Variants in RILPL2 observed in about 807,000 individuals in gnomAD.
RILPL2 encodes the protein RILP-like protein 2.
RILPL2 carries 19 observed loss-of-function variants against 22.2 expected under a neutral mutation model. The observed-to-expected ratio is 0.86, with a 90% CI of 0.60 to 1.25. The LOEUF is 1.25. Among genes scored for constraint, RILPL2 ranks in the 50% most tolerant of loss-of-function variants. The pLI is 0.00. For missense variants in RILPL2, 243 were observed against 263.6 expected, an observed-to-expected ratio of 0.92 and a Z score of 0.54; for synonymous variants, 123 against 111.6, an observed-to-expected ratio of 1.10 and a Z score of -0.64.
intron 2 of RILPL2, among the ~76,000 whole-genome samples, chr12:123,430,306 G>A: frequency 6.6e-6 from 1 of 151,904 alleles, no homozygotes. Flanking sequence ...CTACTCGGGA[G>A]GCTGAGGCAG....
chr12:123,430,269 C>G (rs576327229), intron 2 of RILPL2, among the ~76,000 whole-genome samples: 4 of 149,964 alleles, frequency 2.7e-5, no homozygotes, highest in Non-Finnish European at 5.9e-5. Context: ...ATTAGCCAGG[C>G]ACGGTGGCGG....
At chr12:123,423,911 C>A (rs1037396384) in intron 2 of RILPL2, among the ~76,000 whole-genome samples, 9 of 152,056 alleles carry the variant, frequency 5.9e-5, no homozygotes, top group African/African-American at 2.2e-4. Context: ...CCTCAGCCTC[C>A]CAAAGTGCTG....
downstream of RILPL2, chr12:123,413,096 T>G (rs541236376): frequency 6.5e-6 from 1 of 153,186 alleles, no homozygotes; most frequent in African/African-American, 2.4e-5. Context: ...GTCGGGAGGC[T>G]GAGGCAGGAG....
At chr12:123,432,385 G>A (rs1224926720) in intron 1 of RILPL2, among the ~76,000 whole-genome samples, 2 of 152,106 alleles carry the variant, frequency 1.3e-5, no homozygotes, top group East Asian at 3.8e-4. Context: ...CATGCTTATA[G>A]TCTCAGCTAC....
downstream of RILPL2, chr12:123,414,766 T>G (rs1212791218): frequency 2.0e-5 from 3 of 152,106 alleles, no homozygotes; most frequent in Non-Finnish European, 2.9e-5. Context: ...CTGTCTCTAC[T>G]AAAAATACAA....
chr12:123,434,961 G>A (rs1879752679), intron 1 of RILPL2, among the ~76,000 whole-genome samples: 1 of 151,516 alleles, frequency 6.6e-6, no homozygotes, highest in Admixed American at 6.6e-5. Flanking sequence ...GGTCACTTGA[G>A]GCCAGGAGTT....
chr12:123,436,403 C>T lies in RILPL2; in HGVS notation c.18G>A (p.Val6=). 1 of 1,549,380 alleles carries T rather than the reference C, an allele frequency of 6.5e-7. No individual in the cohort carries two copies. Among genetic ancestry groups the T allele is most frequent in the Non-Finnish European group, 8.7e-7 (1 of 1,147,064 alleles). Residue 6 remains valine, a synonymous_variant, in exon 1 of 4, where the codon GTG becomes GTA. Transcript: ENST00000280571. This position sits in a 1 kb window ranked among gnomAD's most constrained non-coding sequence, Gnocchi z 6.7. ...CTCCCTCCTCCTCTTCCTCTTCTCG[C>T]ACAGGGGGCTCCTCCATGGCCACCC... MEEPP[V]REEEEEEGEE... is the part of the protein sequence containing the mutation.
chr12:123,414,958 A>C (rs2137558), downstream of RILPL2: 43,487 of 143,924 alleles, frequency 0.3, 8,172 homozygotes, highest in East Asian at 0.69. Context: ...AAAAATCTAT[A>C]AACTGGTGCA....
At chr12:123,420,598 G>A (rs1008360925) in intron 3 of RILPL2, among the ~76,000 whole-genome samples, 20 of 151,572 alleles carry the variant, frequency 1.3e-4, no homozygotes, top group African/African-American at 3.9e-4. Flanking sequence ...CACCATGCCC[G>A]GCTAATTTTT....
chr12:123,417,069 C>T (rs570607993), intron 3 of RILPL2, among the ~76,000 whole-genome samples: 150 of 152,126 alleles, frequency 9.9e-4, no homozygotes, highest in African/African-American at 3.4e-3. Flanking sequence ...GAGGCTGAGG[C>T]GGGCGGATTG....
chr12:123,415,579 G>C lies in RILPL2; in HGVS notation c.*312C>G, dbSNP rs948037604. ...CCGTGGGAGCAGATGAGTAGGACAC[G>C]CGTCTGCACGCTGGAGGCCCTGGGG... On this transcript the variant is annotated 3_prime_UTR_variant, in exon 4 of 4. Coordinates refer to ENST00000280571, the MANE Select transcript of RILPL2 (RefSeq NM_145058.3). 2.1e-5 allele frequency: 9 copies of C among 430,774 alleles called. No homozygotes were observed. The highest frequency in any genetic ancestry group is 3.4e-5 in the Non-Finnish European group (8 of 236,588). The allele number at this position is 430,774 out of a possible 1,614,324, so 26.7% of individuals were successfully genotyped here.
chr12:123,425,263 G>A (rs978809248), intron 2 of RILPL2, among the ~76,000 whole-genome samples: 2 of 151,582 alleles, frequency 1.3e-5, no homozygotes, highest in East Asian at 1.9e-4. Flanking sequence ...TGCAACCTCC[G>A]TTTCCCAGGT....
chr12:123,421,760 C>T (rs28676499), intron 3 of RILPL2, among the ~76,000 whole-genome samples: 26,337 of 150,600 alleles, frequency 0.17, 2,458 homozygotes, highest in Middle Eastern at 0.28. Context: ...CTCCACCTCC[C>T]GGGCTCAAGC....
chr12:123,420,407 G>A (rs545139649), intron 3 of RILPL2, among the ~76,000 whole-genome samples: 30 of 151,556 alleles, frequency 2.0e-4, no homozygotes, highest in African/African-American at 7.0e-4. Context: ...CCAAAGTCTT[G>A]GGATTACAGG....
intron 1 of RILPL2, among the ~76,000 whole-genome samples, chr12:123,434,347 G>T (rs914031217): frequency 6.6e-6 from 1 of 151,978 alleles, no homozygotes; most frequent in Admixed American, 6.6e-5. Flanking sequence ...GAGCCCAGGA[G>T]TTTGAGGCCT....
At chr12:123,428,837 GCAGA>G (rs761161393) in intron 2 of RILPL2, among the ~76,000 whole-genome samples, 70 of 152,162 alleles carry the variant, frequency 4.6e-4, no homozygotes, top group Non-Finnish European at 8.2e-4. Context: ...GATACATTTA[GCAGA>G]CAGAGTGCCT....
intron 2 of RILPL2, among the ~76,000 whole-genome samples, chr12:123,425,951 C>A (rs1340626394): frequency 6.6e-6 from 1 of 151,962 alleles, no homozygotes; most frequent in Non-Finnish European, 1.5e-5. Context: ...TGTGCTCAGC[C>A]ATTTCTTAAT....
Position 123,435,765 on chromosome 12 carries a change from C to G in RILPL2, c.339+317G>C, listed in dbSNP as rs1034825152. ...AAAGAAAAAAAAAGTGTTTCTTGCT[C>G]TAGGTCAAAGGTTCTCAAACTGTGG... On this transcript the variant is annotated intron_variant, in intron 1 of 3. Coordinates refer to ENST00000280571, the MANE Select transcript of RILPL2 (RefSeq NM_145058.3). 2.6e-5 allele frequency among the ~76,000 whole-genome samples: 4 copies of G among 152,098 alleles called. No individual in the cohort carries two copies. In the South Asian group the frequency reaches 6.2e-4, roughly 24 times the overall value.
Position 123,436,018 on chromosome 12 carries a change from C to T in RILPL2, c.339+64G>A. On this transcript the variant is annotated intron_variant, in intron 1 of 3. Coordinates refer to ENST00000280571, the MANE Select transcript of RILPL2 (RefSeq NM_145058.3). This position sits in a 1 kb window ranked among gnomAD's most constrained non-coding sequence, Gnocchi z 6.7. The stretch of plus-strand genomic sequence containing the variant: ...AAAAGAAAAGGAAGGCGTCTCCCTG[C>T]CAGTAGGTGCCCTCCTACGCCCCGC... 1 of 1,507,238 alleles carries T rather than the reference C, an allele frequency of 6.6e-7. No individual in the cohort carries two copies. The allele number at this position is 1,507,238 out of a possible 1,614,324, so 93.4% of individuals were successfully genotyped here.
Sources: gnomAD v4.1 joint callset for allele counts (sites outside exome capture counted in the v4.1 genomes callset) on GRCh38, gnomAD v4.1.1 for gene constraint, Gnocchi (gnomAD v3.1) non-coding constraint, MANE v1.5 for transcripts, NCBI Gene and HGNC (gene_info 2026-07-23, HGNC 2026-07-21) for gene names.